Variants in QSOX2 observed in about 807,000 individuals in gnomAD.
QSOX2 encodes the protein sulfhydryl oxidase 2.
In QSOX2, 46 loss-of-function variants were observed where a neutral mutation model predicts 61.7. The observed-to-expected ratio is 0.75, with a 90% CI of 0.59 to 0.95. The LOEUF is 0.95. QSOX2 is among the 40% of genes least tolerant of loss of function. The probability of loss-of-function intolerance (pLI) is 0.00; values close to 1 mark genes in which losing one functional copy is unlikely to be tolerated. For missense variants in QSOX2, 879 were observed against 918.9 expected (o/e 0.96, Z 0.56); for synonymous variants, 383 against 388.4 (o/e 0.99, Z 0.16).
At chr9:136,212,359 G>A (rs1259521011) in intron 10 of QSOX2, among the ~76,000 whole-genome samples, 2 of 152,248 alleles carry the variant, frequency 1.3e-5, no homozygotes, top group African/African-American at 4.8e-5. Context: ...ATGCTTTCGC[G>A]AATGAATCCG....
In QSOX2 at chr9:136,221,757, G is replaced by C; in HGVS notation, c.821+39C>G. The C allele has an allele frequency of 6.4e-7, 1 of 1,551,788 alleles. No homozygotes were observed. The highest frequency in any genetic ancestry group is 8.7e-7 in the Non-Finnish European group (1 of 1,145,350). ...CTCGGAGCCTCTGTCCGGTAACTCC[G>C]AGCGGCACGGAGTTCCCAGACCCCA... is the stretch of plus-strand genomic sequence containing the variant. On this transcript the variant is annotated intron_variant, in intron 6 of 11. Transcript: ENST00000358701. The surrounding 1 kb of genome is among the most constrained non-coding windows in gnomAD (Gnocchi z 4.5).
At chr9:136,230,005 G>C (rs1830315895) in intron 1 of QSOX2, among the ~76,000 whole-genome samples, 1 of 152,254 alleles carries the variant, frequency 6.6e-6, no homozygotes, top group African/African-American at 2.4e-5. Flanking sequence ...TCCTGGCCGG[G>C]CGTGGTGGCT....
Position 136,208,829 on chromosome 9 carries a change from CG to C in QSOX2, c.1995del (p.Val666CysfsTer12). On this transcript the variant is annotated frameshift_variant, in exon 12 of 12. Transcript: ENST00000358701. LOFTEE classifies it high-confidence loss of function. ...AACAGGGATGAAGCCACGTACAGCA[CG>C]ACACAGAGACTCATGTCCAGGCTGG... is the stretch of plus-strand genomic sequence containing the variant. ...DFSSLDMSLCVVLYVASSLFL... is the reference protein window; with the variant it reads ...DFSSLDMSLCXVLYVASSLFL... The C allele has an allele frequency of 1.2e-6, 2 of 1,614,042 alleles. No homozygotes were observed. Among genetic ancestry groups the C allele is most frequent in the Non-Finnish European group, 1.7e-6 (2 of 1,180,028 alleles).
intron 10 of QSOX2, among the ~76,000 whole-genome samples, chr9:136,213,591 G>A (rs1457908256): frequency 6.6e-6 from 1 of 151,686 alleles, no homozygotes; most frequent in Non-Finnish European, 1.5e-5. Flanking sequence ...CCGAGAAGCA[G>A]TAATCCAATA....
rs1187147488 is a variant in QSOX2 at position 136,208,917 on chromosome 9, C to T, written c.1908G>A (p.Leu636=). The change falls in exon 12 of 12, where the codon CTG becomes CTA. Residue 636 remains leucine, a synonymous_variant. Coordinates refer to ENST00000358701, the MANE Select transcript of QSOX2 (RefSeq NM_181701.4). ...CCTCCTTGTGGGCCCCGGGCCCATC[C>T]AGACTCTGGAGTTTCCCGTCCAAGC... is the stretch of plus-strand genomic sequence containing the variant. ...HHSLDGKLQS[L]DGPGAHKEVG... is the part of the protein sequence containing the mutation. 1 of 1,613,840 alleles carries T rather than the reference C, an allele frequency of 6.2e-7. No homozygotes were observed. Among genetic ancestry groups the T allele is most frequent in the Non-Finnish European group, 8.5e-7 (1 of 1,179,996 alleles).
chr9:136,232,403 T>C (rs938650070), intron 1 of QSOX2, among the ~76,000 whole-genome samples: 2 of 152,200 alleles, frequency 1.3e-5, no homozygotes, highest in Non-Finnish European at 2.9e-5. Flanking sequence ...TTTGGAGATA[T>C]GTGACAATTT....
At chr9:136,212,711 C>G (rs985892574) in intron 10 of QSOX2, among the ~76,000 whole-genome samples, 1 of 152,208 alleles carries the variant, frequency 6.6e-6, no homozygotes, top group African/African-American at 2.4e-5. Flanking sequence ...TCCTCTTCCC[C>G]ACATCACCGC....
rs1400523746 is a variant in QSOX2 at position 136,245,777 on chromosome 9, C to T, written c.27G>A (p.Ala9=). ...GTCCCGCTCCGATTCCCGGGCTGCG[C>T]GCCACCGCCGCCCCGGCCGCCGCCA... MAAAGAAV[A]RSPGIGAGPA... The change falls in exon 1 of 12, where the codon GCG becomes GCA. Residue 9 remains alanine, a synonymous_variant. Transcript: ENST00000358701. 3.9e-5 allele frequency: 45 copies of T among 1,157,290 alleles called. No homozygotes were observed. In the Admixed American group the frequency reaches 1.6e-3, roughly 40 times the overall value. 71.7% of individuals were successfully genotyped at this position (1,157,290 alleles called of 1,614,324 possible). A position where few individuals can be genotyped will look rare whatever the true frequency, so the allele number is the denominator to read the frequency against.
chr9:136,235,250 C>G (rs550880934), intron 1 of QSOX2, among the ~76,000 whole-genome samples: 204 of 152,354 alleles, frequency 1.3e-3, no homozygotes, highest in African/African-American at 4.7e-3. Context: ...CACAGCACAC[C>G]CCCCGGAGGA....
Position 136,219,125 on chromosome 9 carries a change from C to T in QSOX2, c.861G>A (p.Lys287=). 1 of 1,614,066 alleles carries T rather than the reference C, an allele frequency of 6.2e-7. No homozygotes were observed. Among genetic ancestry groups the T allele is most frequent in the Non-Finnish European group, 8.5e-7 (1 of 1,180,020 alleles). Residue 287 remains lysine (K), a synonymous_variant, in exon 7 of 12, where the codon AAG becomes AAA. Transcript: ENST00000358701. ...ATTTTTTCCTCACATCCGGCAATGA[C>T]TTCAAATAAGACGAAAAGAAGGCCC... The part of the protein sequence containing the change: ...PLRAFFSSYL[K]SLPDVRKKSL...
rs758354522 is a variant in QSOX2 at position 136,211,322 on chromosome 9, TG to T, written c.1490del (p.Pro497GlnfsTer15). 17 of 1,614,104 alleles carry T rather than the reference TG, an allele frequency of 1.1e-5. No individual in the cohort carries two copies. The highest frequency in any genetic ancestry group is 1.4e-5 in the Non-Finnish European group (17 of 1,180,038). On this transcript the variant is annotated frameshift_variant, in exon 11 of 12. Coordinates refer to ENST00000358701, the MANE Select transcript of QSOX2 (RefSeq NM_181701.4). LOFTEE classifies it high-confidence loss of function. ...TCCACAGCCAGAGGATGGCTTGGTC[TG>T]GGGTTTTCACCGAGTCCATGGATTC... ...AKESMDSVKT[P>X]DQAILWLWKK...
Position 136,245,584 on chromosome 9 carries a change from C to A in QSOX2, c.220G>T (p.Ala74Ser), listed in dbSNP as rs782573364. The A allele has an allele frequency of 1.3e-6, 2 of 1,576,192 alleles. No individual in the cohort carries two copies. Among genetic ancestry groups the A allele is most frequent in the Non-Finnish European group, 1.7e-6 (2 of 1,170,726 alleles). The change falls in exon 1 of 12, where the codon GCC becomes TCC. Residue 74 changes from alanine (A) to serine (S), a missense_variant. Ala to Ser is a moderately conservative substitution (Grantham distance 99). Coordinates refer to ENST00000358701, the MANE Select transcript of QSOX2 (RefSeq NM_181701.4). ...CACGCGGCCGAGCTGTTGGCGGTGG[C>A]CCCGCGCACGCTGCCGCTGTCCAGC... ...WVLDSGSVRG[A>S]TANSSAAWLV...
intron 10 of QSOX2, 111 bp from the exon 11 acceptor site, chr9:136,211,563 C>T: frequency 1.9e-6 from 2 of 1,042,844 alleles, no homozygotes; most frequent in East Asian, 2.6e-5. Context: ...GGGAAGCCAC[C>T]TCATGTCTCC....
At chr9:136,230,890 G>A (rs1334430557) in intron 1 of QSOX2, among the ~76,000 whole-genome samples, 2 of 152,092 alleles carry the variant, frequency 1.3e-5, no homozygotes, top group Non-Finnish European at 2.9e-5. Flanking sequence ...CCTCTGCCCT[G>A]TCTCCTCCCT....
intron 1 of QSOX2, among the ~76,000 whole-genome samples, chr9:136,245,156 G>C (rs940756423): frequency 1.3e-5 from 2 of 152,132 alleles, no homozygotes; most frequent in African/African-American, 4.8e-5. Context: ...GCTGGGATAC[G>C]GGAGGGCTTC....
chr9:136,229,307 C>T (rs772832843), intron 1 of QSOX2, among the ~76,000 whole-genome samples: 6 of 152,166 alleles, frequency 3.9e-5, no homozygotes, highest in South Asian at 2.1e-4. Context: ...GCGCAGCAGA[C>T]GGCACGGGAC....
intron 1 of QSOX2, among the ~76,000 whole-genome samples, chr9:136,227,616 C>A (rs1295343796): frequency 1.3e-5 from 2 of 152,230 alleles, no homozygotes; most frequent in African/African-American, 4.8e-5. Flanking sequence ...ACTTTCAGAA[C>A]TGTCCCACAA....
rs192032421 is a variant in QSOX2 at position 136,223,883 on chromosome 9, T to C, written c.585-30A>G. The C allele has an allele frequency of 1.9e-6, 3 of 1,607,156 alleles. No homozygotes were observed. Among genetic ancestry groups the C allele is most frequent in the Non-Finnish European group, 2.6e-6 (3 of 1,174,224 alleles). On this transcript the variant is annotated intron_variant, in intron 4 of 11. Coordinates refer to ENST00000358701, the MANE Select transcript of QSOX2 (RefSeq NM_181701.4). This position sits in a 1 kb window ranked among gnomAD's most constrained non-coding sequence, Gnocchi z 4.4. ...CAAGAGGAAAAAAAGAGGCTTTTAG[T>C]GCCGTCAACAGCAGCGAGTTGGCCA...
At chr9:136,238,604 C>G (rs1050206405) in intron 1 of QSOX2, among the ~76,000 whole-genome samples, 1 of 152,214 alleles carries the variant, frequency 6.6e-6, no homozygotes, top group African/African-American at 2.4e-5. Flanking sequence ...CCTCCCTCTG[C>G]CCCTCAGGCC....
Sources: allele counts gnomAD v4.1 joint callset (sites outside exome capture counted in the v4.1 genomes callset), GRCh38; gene constraint gnomAD v4.1.1; non-coding constraint Gnocchi (gnomAD v3.1); transcripts MANE v1.5; gene names NCBI Gene and HGNC (gene_info 2026-07-23, HGNC 2026-07-21).